Variants in ASAP1 observed in about 807,000 individuals in gnomAD.
ASAP1 encodes the protein ArfGAP with SH3 domain, ankyrin repeat and PH domain 1, also known as arf-GAP with SH3 domain, ANK repeat and PH domain-containing protein 1.
Under a neutral mutation model 145.2 loss-of-function variants are expected in ASAP1, and 43 were observed. The ratio of observed to expected loss-of-function variants is 0.30; its 90% CI spans 0.23 to 0.38. The LOEUF is 0.38. ASAP1 is among the 10% of genes least tolerant of loss of function. The pLI is 1.00. For missense variants in ASAP1, 1,018 were observed against 1,355.3 expected, an observed-to-expected ratio of 0.75 and a Z score of 3.91; for synonymous variants, 546 against 515.5, an observed-to-expected ratio of 1.06 and a Z score of -0.80.
At chr8:130,297,111 G>A (rs973644487) in intron 3 of ASAP1, among the ~76,000 whole-genome samples, 3 of 152,180 alleles carry the variant, frequency 2.0e-5, no homozygotes, top group African/African-American at 4.8e-5. Flanking sequence ...AAAGGACAGC[G>A]AATAATAATC....
At chr8:130,145,443 G>A (rs1213133396) in intron 13 of ASAP1, among the ~76,000 whole-genome samples, 1 of 151,680 alleles carries the variant, frequency 6.6e-6, no homozygotes, top group African/African-American at 2.4e-5. Context: ...TCAGCCTCCC[G>A]AGTAGCTGGG....
At chr8:130,077,078 C>T (rs1564932563) in intron 26 of ASAP1, among the ~76,000 whole-genome samples, 1 of 152,120 alleles carries the variant, frequency 6.6e-6, no homozygotes, top group South Asian at 2.1e-4. Flanking sequence ...GGGGTGTTGG[C>T]GGCTGGCAGA....
At chr8:130,233,094 T>G (rs2136633277) in intron 4 of ASAP1, among the ~76,000 whole-genome samples, 1 of 152,304 alleles carries the variant, frequency 6.6e-6, no homozygotes, top group South Asian at 2.1e-4. Context: ...AGAAACCCTA[T>G]CAGGCCTCAA....
In ASAP1 at chr8:130,092,457, T is replaced by A. The variant is rs371950171; in HGVS notation, c.2402-314A>T. 2.5e-4 allele frequency among the ~76,000 whole-genome samples: 38 copies of A among 152,144 alleles called. 1 individual carries two copies. The South Asian group carries it at 7.7e-3, about 31-fold the overall frequency. ...GCCTGGGTAACACAGCAAGACGCCA[T>A]CTCTATAAAAATTTAAAAAATTAGC... is the stretch of plus-strand genomic sequence containing the variant. On this transcript the variant is annotated intron_variant, in intron 24 of 29. Transcript: ENST00000518721.
At chr8:130,162,063 G>A (rs933311627) in intron 11 of ASAP1, among the ~76,000 whole-genome samples, 1 of 152,186 alleles carries the variant, frequency 6.6e-6, no homozygotes, top group African/African-American at 2.4e-5. Flanking sequence ...GCCTTCCGAG[G>A]TGCTGGGATT....
At chr8:130,383,258 G>T (rs185215113) in intron 2 of ASAP1, among the ~76,000 whole-genome samples, 2 of 152,334 alleles carry the variant, frequency 1.3e-5, no homozygotes, top group East Asian at 1.9e-4. Context: ...TCCAGCCCCT[G>T]GGAGGAGTGC....
intron 3 of ASAP1, among the ~76,000 whole-genome samples, chr8:130,316,259 T>A (rs529537505): frequency 6.6e-6 from 1 of 152,318 alleles, no homozygotes; most frequent in Non-Finnish European, 1.5e-5. Context: ...AACTTTTCCA[T>A]CTAATCACAA....
chr8:130,340,494 A>G (rs1185100421), intron 3 of ASAP1, among the ~76,000 whole-genome samples: 3 of 152,242 alleles, frequency 2.0e-5, no homozygotes, highest in African/African-American at 7.2e-5. Context: ...GGGCAGAAGC[A>G]GATATTAAAT....
Position 130,097,126 on chromosome 8 carries a change from C to CAAAAAAAA in ASAP1, c.2402-4991_2402-4984dup, listed in dbSNP as rs61591724. 6.9e-4 allele frequency among the ~76,000 whole-genome samples: 37 copies of CAAAAAAAA among 53,590 alleles called. 6 individuals carry two copies. The highest frequency in any genetic ancestry group is 9.1e-4 in the Non-Finnish European group (29 of 31,712). 35.2% of individuals were successfully genotyped at this position (53,590 alleles called of 152,430 possible). A position where few individuals can be genotyped will look rare whatever the true frequency, so the allele number is the denominator to read the frequency against. ...AGGAGACAGAGTGACAGTTAGTCTCCAAAAAAAAAAAAAAAAAAAAAAAAA... is the reference window on the plus strand; with the variant it reads ...AGGAGACAGAGTGACAGTTAGTCTCCAAAAAAAAAAAAAAAAAAAAAAAAAAAAAAAAA... On this transcript the variant is annotated intron_variant, in intron 24 of 29. Coordinates refer to ENST00000518721, the MANE Select transcript of ASAP1 (RefSeq NM_018482.4).
At chr8:130,115,835 A>G (rs2097554910) in intron 22 of ASAP1, 100 bp from the exon 23 acceptor site, 3 of 864,228 alleles carry the variant, frequency 3.5e-6, no homozygotes, top group Non-Finnish European at 1.9e-6. Flanking sequence ...CTAGTTTTCA[A>G]TGAATCATCT....
At chr8:130,172,041 C>G (rs1218271847) in intron 9 of ASAP1, among the ~76,000 whole-genome samples, 1 of 152,174 alleles carries the variant, frequency 6.6e-6, no homozygotes, top group Non-Finnish European at 1.5e-5. Flanking sequence ...ATGATTATGA[C>G]CAAGAATCTG....
chr8:130,269,444 G>C (rs537480472), intron 3 of ASAP1, among the ~76,000 whole-genome samples: 2 of 152,326 alleles, frequency 1.3e-5, no homozygotes, highest in South Asian at 2.1e-4. Context: ...GACAGTTCAA[G>C]TGGCTGTCTA....
At chr8:130,370,057 T>C (rs1470107087) in intron 2 of ASAP1, among the ~76,000 whole-genome samples, 1 of 152,112 alleles carries the variant, frequency 6.6e-6, no homozygotes, top group Non-Finnish European at 1.5e-5. Flanking sequence ...TCCCAGCACT[T>C]TGGGAGGCTG....
chr8:130,404,531 A>C (rs1828939133), intron 1 of ASAP1, among the ~76,000 whole-genome samples: 1 of 152,234 alleles, frequency 6.6e-6, no homozygotes, highest in Non-Finnish European at 1.5e-5. Flanking sequence ...GCTTATGAAA[A>C]ATAAGTATCT....
chr8:130,142,986 G>C (rs62524643), intron 13 of ASAP1, among the ~76,000 whole-genome samples: 24,918 of 152,132 alleles, frequency 0.16, 2,677 homozygotes, highest in East Asian at 0.44. Context: ...ACGTACGGTA[G>C]TGGTGCTGGT....
At chr8:130,298,098 C>T (rs1335444453) in intron 3 of ASAP1, among the ~76,000 whole-genome samples, 1 of 152,160 alleles carries the variant, frequency 6.6e-6, no homozygotes, top group African/African-American at 2.4e-5. Context: ...AATCATTCTG[C>T]TCTAACATTT....
intron 8 of ASAP1, among the ~76,000 whole-genome samples, chr8:130,179,967 G>GAGAGAA (rs149057640): frequency 0.092 from 13,323 of 144,250 alleles, 769 homozygotes; most frequent in Non-Finnish European, 0.13. Flanking sequence ...ACAGAAAAAA[G>GAGAGAA]AGAGAAAGAG....
intron 3 of ASAP1, among the ~76,000 whole-genome samples, chr8:130,289,562 C>T (rs535190474): frequency 6.6e-6 from 1 of 152,150 alleles, no homozygotes; most frequent in African/African-American, 2.4e-5. Flanking sequence ...ACTGGGGAGG[C>T]GAAGACTGGA....
intron 3 of ASAP1, among the ~76,000 whole-genome samples, chr8:130,327,971 T>C (rs147592546): frequency 3.2e-3 from 484 of 152,130 alleles, no homozygotes; most frequent in African/African-American, 0.011. Context: ...TAAAAGGAAA[T>C]GGCAGTTTTT....
Sources: allele counts gnomAD v4.1 joint callset (sites outside exome capture counted in the v4.1 genomes callset), GRCh38; gene constraint gnomAD v4.1.1; transcripts MANE v1.5; gene names NCBI Gene and HGNC (gene_info 2026-07-23, HGNC 2026-07-21).